Variants in ITFG1 observed in about 807,000 individuals in gnomAD.
ITFG1 encodes integrin alpha FG-GAP repeat containing 1, also known as T-cell immunomodulatory protein.
In ITFG1, 34 loss-of-function variants were observed where a neutral mutation model predicts 81.8. That is an observed-to-expected ratio of 0.42 (90% CI 0.32 to 0.55). ITFG1 has a LOEUF of 0.55. Ranked by LOEUF, ITFG1 falls within the 20% of genes least tolerant of loss-of-function variation. The probability of loss-of-function intolerance (pLI) is 0.17; values close to 1 mark genes in which losing one functional copy is unlikely to be tolerated. For missense variants in ITFG1, 672 were observed against 755.4 expected (o/e 0.89, Z 1.29); for synonymous variants, 285 against 270.6 (o/e 1.05, Z -0.52).
chr16:47,444,297 A>G (rs1055078836), intron 5 of ITFG1, among the ~76,000 whole-genome samples: 10 of 152,238 alleles, frequency 6.6e-5, no homozygotes, highest in African/African-American at 2.4e-4. Context: ...ATTAACTTAC[A>G]GCAATGCAAT....
At chr16:47,320,115 G>T (rs1033590440) in intron 8 of ITFG1, among the ~76,000 whole-genome samples, 1 of 152,184 alleles carries the variant, frequency 6.6e-6, no homozygotes, top group African/African-American at 2.4e-5. Context: ...CACACATTCA[G>T]AGTCACTACA....
At chr16:47,437,544 T>C (rs1328270737) in intron 5 of ITFG1, among the ~76,000 whole-genome samples, 3 of 150,924 alleles carry the variant, frequency 2.0e-5, no homozygotes, top group African/African-American at 7.3e-5. Flanking sequence ...GTCCAAGGTG[T>C]AAAAAAAGGA....
intron 6 of ITFG1, among the ~76,000 whole-genome samples, chr16:47,415,213 T>C (rs1169819408): frequency 6.6e-6 from 1 of 152,244 alleles, no homozygotes; most frequent in African/African-American, 2.4e-5. Context: ...TGCAGATGCT[T>C]ATTCTTTAGT....
intron 14 of ITFG1, among the ~76,000 whole-genome samples, chr16:47,188,292 T>C (rs1333209636): frequency 6.6e-6 from 1 of 152,154 alleles, no homozygotes; most frequent in Non-Finnish European, 1.5e-5. Context: ...TAAATCATGC[T>C]ACTATAAAGA....
In ITFG1 at chr16:47,155,111, A is replaced by C. The variant is rs1964683374; in HGVS notation, c.*608T>G. The C allele has an allele frequency of 6.6e-6, 1 of 152,260 alleles. No homozygotes were observed. The highest frequency in any genetic ancestry group is 1.5e-5 in the Non-Finnish European group (1 of 68,076). 9.4% of individuals were successfully genotyped at this position (152,260 alleles called of 1,614,324 possible). A position where few individuals can be genotyped will look rare whatever the true frequency, so the allele number is the denominator to read the frequency against. On this transcript the variant is annotated 3_prime_UTR_variant, in exon 18 of 18. Coordinates refer to ENST00000320640, the MANE Select transcript of ITFG1 (RefSeq NM_030790.5). ...AACTCAAGTATTAGCCCCACTGAAT[A>C]AACAAGAAAACTGAGGTTTACAGAG...
chr16:47,201,183 G>A (rs909905383), intron 14 of ITFG1, among the ~76,000 whole-genome samples: 18 of 151,098 alleles, frequency 1.2e-4, no homozygotes, highest in Admixed American at 3.3e-4. Context: ...TGAGAAGAAA[G>A]AATCTGAATT....
chr16:47,416,548 T>A (rs555181942), intron 6 of ITFG1, among the ~76,000 whole-genome samples: 2 of 152,336 alleles, frequency 1.3e-5, no homozygotes, highest in South Asian at 4.1e-4. Context: ...AGGTAGGCCC[T>A]AGTGGGAAGT....
At chr16:47,456,337 G>T (rs143550995) in intron 2 of ITFG1, among the ~76,000 whole-genome samples, 1 of 152,236 alleles carries the variant, frequency 6.6e-6, no homozygotes, top group East Asian at 1.9e-4. Flanking sequence ...AAAGAAGAGG[G>T]TTGAATTTTA....
chr16:47,240,787 A>G (rs1965924078), intron 12 of ITFG1, among the ~76,000 whole-genome samples: 1 of 152,220 alleles, frequency 6.6e-6, no homozygotes, highest in Admixed American at 6.5e-5. Flanking sequence ...AGGATAAATA[A>G]GCAGTCATTT....
intron 14 of ITFG1, among the ~76,000 whole-genome samples, chr16:47,197,874 A>G (rs1395777476): frequency 6.6e-6 from 1 of 152,188 alleles, no homozygotes; most frequent in East Asian, 1.9e-4. Context: ...TTGTTTCTTC[A>G]TCATGAGAAC....
chr16:47,309,172 G>A (rs1227558277), intron 10 of ITFG1, among the ~76,000 whole-genome samples: 1 of 150,860 alleles, frequency 6.6e-6, no homozygotes, highest in African/African-American at 2.4e-5. Context: ...GGGTTCAAGT[G>A]ATTCTCCTGC....
chr16:47,273,882 ACTC>A lies in ITFG1; in HGVS notation c.1071-13190_1071-13188del, dbSNP rs750007324. ...GTGGTGTGATCTTGGCTCACTGCAA[ACTC>A]CTCCTCCAGGGTTACTACAAAATAT... On this transcript the variant is annotated intron_variant, in intron 10 of 17. Transcript: ENST00000320640. 1.3e-3 allele frequency among the ~76,000 whole-genome samples: 201 copies of A among 151,894 alleles called. 1 individual carries two copies. The highest frequency in any genetic ancestry group is 5.9e-4 in the Non-Finnish European group (40 of 67,928).
intron 6 of ITFG1, among the ~76,000 whole-genome samples, chr16:47,416,649 G>A (rs553020375): frequency 6.6e-6 from 1 of 152,220 alleles, no homozygotes; most frequent in South Asian, 2.1e-4. Context: ...TTGTTTAAAG[G>A]AGCCTGGCAT....
intron 12 of ITFG1, among the ~76,000 whole-genome samples, chr16:47,256,910 T>C (rs748465226): frequency 6.6e-6 from 1 of 152,262 alleles, no homozygotes; most frequent in Non-Finnish European, 1.5e-5. Context: ...GGTCTCTTGG[T>C]GTTGGCTATC....
chr16:47,224,007 T>C (rs928830813), intron 13 of ITFG1, among the ~76,000 whole-genome samples: 8 of 139,464 alleles, frequency 5.7e-5, no homozygotes, highest in South Asian at 2.2e-4. Context: ...TAGGTGGGAA[T>C]TGAACAATGA....
At chr16:47,323,347 C>T (rs749787539) in intron 8 of ITFG1, among the ~76,000 whole-genome samples, 2 of 151,976 alleles carry the variant, frequency 1.3e-5, no homozygotes, top group South Asian at 2.1e-4. Context: ...AATCAAAGTG[C>T]CATAAGAAAA....
intron 10 of ITFG1, among the ~76,000 whole-genome samples, chr16:47,278,737 G>T (rs1398345810): frequency 6.6e-6 from 1 of 152,180 alleles, no homozygotes; most frequent in Non-Finnish European, 1.5e-5. Context: ...GGGAGGAAGG[G>T]AGAGACTTAC....
chr16:47,296,835 T>C (rs549219598), intron 10 of ITFG1, among the ~76,000 whole-genome samples: 73 of 152,366 alleles, frequency 4.8e-4, no homozygotes, highest in Admixed American at 1.2e-3. Flanking sequence ...TTAAAAATTT[T>C]TTGAGACTTG....
chr16:47,369,527 T>G (rs1459957961), intron 7 of ITFG1, among the ~76,000 whole-genome samples: 1 of 152,196 alleles, frequency 6.6e-6, no homozygotes, highest in Non-Finnish European at 1.5e-5. Context: ...TGCAAGTACT[T>G]TTTTCACAGG....
Sources: gnomAD v4.1 joint callset for allele counts (sites outside exome capture counted in the v4.1 genomes callset) on GRCh38, gnomAD v4.1.1 for gene constraint, MANE v1.5 for transcripts, NCBI Gene and HGNC (gene_info 2026-07-23, HGNC 2026-07-21) for gene names.